The following CTNNA3 variants were observed in gnomAD, a reference collection of about 807,000 sequenced individuals.
CTNNA3 encodes catenin alpha-3.
A neutral mutation model predicts 95.7 loss-of-function variants in CTNNA3; 76 were observed. That is an observed-to-expected ratio of 0.79 (90% CI 0.66 to 0.96). The LOEUF is 0.96. Ranked by LOEUF, CTNNA3 falls within the 40% of genes least tolerant of loss-of-function variation. The pLI, the probability that CTNNA3 is intolerant of heterozygous loss-of-function variation, is 0.00. For missense variants in CTNNA3, 1,191 were observed against 1,089.8 expected (o/e 1.09, Z -1.31); for synonymous variants, 431 against 374.4 (o/e 1.15, Z -1.74).
At chr10:67,573,785 C>A (rs969262548) in intron 3 of CTNNA3, among the ~76,000 whole-genome samples, 1 of 148,364 alleles carries the variant, frequency 6.7e-6, no homozygotes, top group African/African-American at 2.5e-5. Flanking sequence ...ACACTTAATA[C>A]ATTATCACAA....
chr10:67,312,104 G>C (rs1039465995), intron 5 of CTNNA3, among the ~76,000 whole-genome samples: 1 of 144,906 alleles, frequency 6.9e-6, no homozygotes, highest in Non-Finnish European at 1.5e-5. Context: ...ACAGAGTCTC[G>C]CTCTGTCACC....
intron 13 of CTNNA3, among the ~76,000 whole-genome samples, chr10:66,254,171 T>C (rs7097096): frequency 0.99 from 151,074 of 152,230 alleles, 74,974 homozygotes; most frequent in Middle Eastern, 1. Context: ...AGGCATCTTG[T>C]TCGAGGAAAA....
intron 5 of CTNNA3, among the ~76,000 whole-genome samples, chr10:67,421,786 A>G (rs1400915097): frequency 3.9e-5 from 6 of 152,178 alleles, no homozygotes; most frequent in Non-Finnish European, 8.8e-5. Flanking sequence ...AATGACTGAT[A>G]AGGTATTCTG....
rs112660064 is a variant in CTNNA3, at chr10:67,385,382, A to G, written c.579+136460T>C. ...CAGAAGTTTTCTTTCAGAAACTAGA[A>G]AAAGCATAATAAGGAAACTTGAACC... On this transcript the variant is annotated intron_variant, in intron 5 of 17. Transcript: ENST00000433211. Among the ~76,000 whole-genome samples, 117 of 152,332 alleles carry G rather than the reference A, an allele frequency of 7.7e-4. 1 individual carries two copies. Among genetic ancestry groups the G allele is most frequent in the African/African-American group, 2.7e-3 (113 of 41,582 alleles).
At chr10:67,575,326 G>A (rs767312911) in intron 3 of CTNNA3, among the ~76,000 whole-genome samples, 56 of 115,230 alleles carry the variant, frequency 4.9e-4, no homozygotes, top group Non-Finnish European at 5.1e-4. Context: ...ACCGTATGTC[G>A]TCCTTTCAAT....
In CTNNA3 at chr10:66,330,328, T is replaced by C. The variant is rs888364670; in HGVS notation, c.1732+48824A>G. 3.3e-5 allele frequency among the ~76,000 whole-genome samples: 5 copies of C among 151,940 alleles called. No homozygotes were observed. In the East Asian group the frequency reaches 9.7e-4, roughly 29 times the overall value. On this transcript the variant is annotated intron_variant, in intron 12 of 17. Transcript: ENST00000433211. ...AGTGAGAACATGCAGTGTTTGGTTT[T>C]TTGTCCTTGCCATAGTTTGCTAAGA...
chr10:66,110,735 G>A (rs1005738519), intron 13 of CTNNA3, among the ~76,000 whole-genome samples: 5 of 152,082 alleles, frequency 3.3e-5, no homozygotes, highest in Admixed American at 1.3e-4. Flanking sequence ...TAACATATTC[G>A]ATTGTCTTAC....
chr10:66,691,175 C>G (rs71493991), intron 9 of CTNNA3, among the ~76,000 whole-genome samples: 1 of 152,100 alleles, frequency 6.6e-6, no homozygotes, highest in Non-Finnish European at 1.5e-5. Flanking sequence ...ACTCAGGAAG[C>G]GCAAGGGGTC....
intron 13 of CTNNA3, among the ~76,000 whole-genome samples, chr10:66,130,254 A>G (rs1317059776): frequency 6.6e-6 from 1 of 152,160 alleles, no homozygotes; most frequent in African/African-American, 2.4e-5. Context: ...TGCCTACATC[A>G]AAAAGTTAGA....
At chr10:66,908,538 A>C (rs1846088160) in intron 7 of CTNNA3, among the ~76,000 whole-genome samples, 2 of 152,170 alleles carry the variant, frequency 1.3e-5, no homozygotes, top group African/African-American at 4.8e-5. Flanking sequence ...GATGTTCTCT[A>C]AGAAGTCCTG....
chr10:66,149,597 C>CT (rs1252218283), intron 13 of CTNNA3, among the ~76,000 whole-genome samples: 1 of 146,372 alleles, frequency 6.8e-6, no homozygotes, highest in Admixed American at 7.0e-5. Flanking sequence ...CACCCTTACA[C>CT]TTTTAAAATA....
At chr10:66,703,268 C>T (rs35570658) in intron 9 of CTNNA3, among the ~76,000 whole-genome samples, 4,909 of 152,134 alleles carry the variant, frequency 0.032, 210 homozygotes, top group East Asian at 0.22. Flanking sequence ...AAACAGCACC[C>T]TTCATGCTAA....
In CTNNA3 at chr10:67,400,642, G is replaced by T. The variant is rs143380622; in HGVS notation, c.579+121200C>A. 1.9e-3 allele frequency among the ~76,000 whole-genome samples: 288 copies of T among 152,100 alleles called. 2 individuals are homozygous for T. Among genetic ancestry groups the T allele is most frequent in the African/African-American group, 6.6e-3 (275 of 41,508 alleles). On this transcript the variant is annotated intron_variant, in intron 5 of 17. Transcript: ENST00000433211. ...ATCCACTGCAAACCACATAATTTTT[G>T]AAAATAACCCCCAAATTATATACAC...
chr10:66,246,216 G>T (rs2090317622), intron 13 of CTNNA3, among the ~76,000 whole-genome samples: 1 of 152,190 alleles, frequency 6.6e-6, no homozygotes, highest in Admixed American at 6.5e-5. Context: ...AGCAGGAGCA[G>T]GCACTTCTGA....
intron 1 of CTNNA3, among the ~76,000 whole-genome samples, chr10:67,746,912 G>A (rs562735425): frequency 3.1e-4 from 47 of 152,330 alleles, no homozygotes; most frequent in African/African-American, 1.1e-3. Flanking sequence ...AGCTATCACT[G>A]CAGCTGCAGA....
At chr10:66,625,307 A>T (rs1336964605) in intron 9 of CTNNA3, among the ~76,000 whole-genome samples, 1 of 152,122 alleles carries the variant, frequency 6.6e-6, no homozygotes, top group Non-Finnish European at 1.5e-5. Flanking sequence ...GTAGATGAGA[A>T]TGCCTAGCCA....
At chr10:66,668,255 G>A (rs1846527200) in intron 9 of CTNNA3, among the ~76,000 whole-genome samples, 1 of 151,156 alleles carries the variant, frequency 6.6e-6, no homozygotes, top group South Asian at 2.1e-4. Context: ...ACTATATAGG[G>A]GAATATAATG....
intron 5 of CTNNA3, among the ~76,000 whole-genome samples, chr10:67,346,185 ATCT>A (rs1390559489): frequency 6.6e-5 from 10 of 152,146 alleles, no homozygotes; most frequent in Non-Finnish European, 1.0e-4. Context: ...TTATTGTACT[ATCT>A]AGGTCTTTAA....
At chr10:66,469,513 T>C (rs1839050626) in intron 11 of CTNNA3, among the ~76,000 whole-genome samples, 2 of 151,088 alleles carry the variant, frequency 1.3e-5, no homozygotes, top group Admixed American at 6.6e-5. Context: ...CTATGTTAAA[T>C]GTATGTTATT....
Sources: gnomAD v4.1 joint callset for allele counts (sites outside exome capture counted in the v4.1 genomes callset) on GRCh38, gnomAD v4.1.1 for gene constraint, MANE v1.5 for transcripts, NCBI Gene and HGNC (gene_info 2026-07-23, HGNC 2026-07-21) for gene names.